RPTOR: variants seen among roughly 807,000 people sequenced by gnomAD.
RPTOR encodes the protein regulatory associated protein of MTOR complex 1.
RPTOR carries 21 observed loss-of-function variants against 169.9 expected under a neutral mutation model. The ratio of observed to expected loss-of-function variants is 0.12; its 90% CI spans 0.09 to 0.18. The LOEUF (loss-of-function observed/expected upper bound fraction) is 0.18. Among genes scored for constraint, RPTOR ranks in the 10% least tolerant of loss-of-function variants. The pLI, the probability that RPTOR is intolerant of heterozygous loss-of-function variation, is 1.00. For missense variants in RPTOR, 1,133 were observed against 1,855.9 expected (o/e 0.61, Z 7.16); for synonymous variants, 732 against 753.2 (o/e 0.97, Z 0.46).
chr17:80,902,067 C>T (rs1051974373), intron 20 of RPTOR, among the ~76,000 whole-genome samples: 11 of 152,136 alleles, frequency 7.2e-5, no homozygotes, highest in African/African-American at 2.7e-4. Flanking sequence ...CTCCATCCTG[C>T]TTGTTTCTCA....
At chr17:80,717,170 C>T (rs1342462638) in intron 4 of RPTOR, among the ~76,000 whole-genome samples, 3 of 152,104 alleles carry the variant, frequency 2.0e-5, no homozygotes, top group Non-Finnish European at 4.4e-5. Flanking sequence ...GAAATGTCAT[C>T]TGATCACCAG....
chr17:80,552,127 C>G (rs1055009584), intron 1 of RPTOR, among the ~76,000 whole-genome samples: 1 of 152,200 alleles, frequency 6.6e-6, no homozygotes, highest in African/African-American at 2.4e-5. Flanking sequence ...ATGTCTACTT[C>G]TTTCTATACA....
intron 13 of RPTOR, 140 bp from the exon 14 acceptor site, chr17:80,880,275 C>A: frequency 1.4e-6 from 1 of 731,362 alleles, no homozygotes; most frequent in Non-Finnish European, 2.4e-6. Context: ...AGCTGTTTTT[C>A]AAATGAAAAC....
In RPTOR at chr17:80,845,139, C is replaced by T. The variant is rs943084638; in HGVS notation, c.1213-1334C>T. Among the ~76,000 whole-genome samples the T allele has an allele frequency of 1.4e-4, 22 of 152,270 alleles. No homozygotes were observed. In the East Asian group the frequency reaches 2.9e-3, roughly 20 times the overall value. Reference sequence around the variant, plus strand: ...GGCAGCCTCCCCTGCAGCCTTCACGCTCTCCAGCCGCAGGCCCAGCAGCCC... The same window carrying T: ...GGCAGCCTCCCCTGCAGCCTTCACGTTCTCCAGCCGCAGGCCCAGCAGCCC... On this transcript the variant is annotated intron_variant, in intron 10 of 33. Transcript: ENST00000306801. This position sits in a 1 kb window ranked among gnomAD's most constrained non-coding sequence, Gnocchi z 5.4.
chr17:80,788,363 A>T (rs370310361), intron 6 of RPTOR, among the ~76,000 whole-genome samples: 1 of 152,186 alleles, frequency 6.6e-6, no homozygotes, highest in East Asian at 1.9e-4. Context: ...CAGGAGAATC[A>T]CTTGAACCCA....
chr17:80,840,190 C>T (rs1229779608), intron 10 of RPTOR, among the ~76,000 whole-genome samples: 1 of 152,194 alleles, frequency 6.6e-6, no homozygotes, highest in Non-Finnish European at 1.5e-5. Flanking sequence ...GGCCGCTTTC[C>T]TGCCCAGTTT....
chr17:80,914,332 C>A (rs542709952), intron 21 of RPTOR, among the ~76,000 whole-genome samples: 1 of 152,334 alleles, frequency 6.6e-6, no homozygotes, highest in African/African-American at 2.4e-5. Flanking sequence ...CATCTCTGTG[C>A]TCTTGGGGGC....
intron 1 of RPTOR, among the ~76,000 whole-genome samples, chr17:80,592,070 C>T (rs2065111853): frequency 6.6e-6 from 1 of 152,226 alleles, no homozygotes; most frequent in Non-Finnish European, 1.5e-5. Flanking sequence ...AATGGCTATA[C>T]TTTTCCCTCC....
At chr17:80,924,870 G>C (rs1356183289) in intron 23 of RPTOR, among the ~76,000 whole-genome samples, 1 of 152,210 alleles carries the variant, frequency 6.6e-6, no homozygotes, top group Non-Finnish European at 1.5e-5. Flanking sequence ...CCAAAGCTCA[G>C]TCCTCCTCAG....
At chr17:80,933,068 G>A (rs550308477) in intron 24 of RPTOR, among the ~76,000 whole-genome samples, 241 of 152,334 alleles carry the variant, frequency 1.6e-3, no homozygotes, top group African/African-American at 5.6e-3. Context: ...CCAAAAGAAG[G>A]TAACAAGACA....
chr17:80,709,754 A>G (rs1252696136), intron 4 of RPTOR, among the ~76,000 whole-genome samples: 2 of 151,968 alleles, frequency 1.3e-5, no homozygotes, highest in African/African-American at 4.8e-5. Flanking sequence ...ATTTTCTCTG[A>G]TAACCATTAA....
At chr17:80,653,064 A>AT (rs1049434008) in intron 3 of RPTOR, among the ~76,000 whole-genome samples, 8 of 152,140 alleles carry the variant, frequency 5.3e-5, no homozygotes, top group Middle Eastern at 3.4e-3. Flanking sequence ...TCCTTTGTCC[A>AT]TTTTTTAGTT....
Position 80,905,545 on chromosome 17 carries a change from G to A in RPTOR, c.2402-3266G>A, listed in dbSNP as rs546480063. ...CAGGAGGCAGAGCTTGCAGTGAGCC[G>A]GGATCGCGCTGCTGCACTCCAGCCT... is the stretch of plus-strand genomic sequence containing the variant. On this transcript the variant is annotated intron_variant, in intron 20 of 33. Transcript: ENST00000306801. 5.3e-3 allele frequency among the ~76,000 whole-genome samples: 798 copies of A among 151,912 alleles called. 10 individuals carry two copies. The highest frequency in any genetic ancestry group is 0.018 in the African/African-American group (766 of 41,438).
chr17:80,893,848 C>G lies in RPTOR; in HGVS notation c.2384C>G (p.Ser795Cys). The G allele has an allele frequency of 1.3e-6, 2 of 1,521,338 alleles. No individual in the cohort carries two copies. The highest frequency in any genetic ancestry group is 1.3e-5 in the South Asian group (1 of 77,288). The allele number at this position is 1,521,338 out of a possible 1,614,324, so 94.2% of individuals were successfully genotyped here. Residue 795 changes from serine to cysteine, a missense_variant, in exon 20 of 34, where the codon TCC (serine) becomes TGC (cysteine). This residue lies in a region of RPTOR where 150 missense variants were observed against 206.4 expected (regional missense o/e 0.73). Coordinates refer to ENST00000306801, the MANE Select transcript of RPTOR (RefSeq NM_020761.3). ...ATGCGCCGCGCCAGCTCCTACTCCT[C>G]CCTCAACTCCCTCATCGGTGAGTCC... ...DKMRRASSYS[S>C]LNSLIGVSFN...
chr17:80,693,461 A>G (rs1382326812), intron 3 of RPTOR, among the ~76,000 whole-genome samples: 1 of 152,256 alleles, frequency 6.6e-6, no homozygotes, highest in African/African-American at 2.4e-5. Context: ...TAAACCAGCT[A>G]TTCTAGTTCT....
intron 3 of RPTOR, among the ~76,000 whole-genome samples, chr17:80,696,028 A>G (rs1176482139): frequency 1.3e-5 from 2 of 152,214 alleles, no homozygotes; most frequent in Admixed American, 1.3e-4. Flanking sequence ...CTCAGAGCCA[A>G]GGTGGCATCT....
At chr17:80,606,012 CT>C (rs574035469) in intron 1 of RPTOR, among the ~76,000 whole-genome samples, 1 of 151,970 alleles carries the variant, frequency 6.6e-6, no homozygotes, top group East Asian at 1.9e-4. Context: ...TACCAATAGA[CT>C]TTTGTTTTTG....
chr17:80,883,589 G>A (rs1487841840), intron 15 of RPTOR, 105 bp downstream of exon 15: 1 of 1,277,830 alleles, frequency 7.8e-7, no homozygotes, highest in African/African-American at 1.5e-5. Flanking sequence ...GGGGTGTCCA[G>A]CAGAGGCTCT....
chr17:80,742,277 C>A (rs1421452214), intron 5 of RPTOR, among the ~76,000 whole-genome samples: 2 of 152,010 alleles, frequency 1.3e-5, no homozygotes, highest in Non-Finnish European at 2.9e-5. Context: ...CTGAGGGCGG[C>A]CCTTAAGTAG....
Sources: allele counts gnomAD v4.1 joint callset (sites outside exome capture counted in the v4.1 genomes callset), GRCh38; gene constraint gnomAD v4.1.1; regional missense constraint gnomAD v4.1.1; non-coding constraint Gnocchi (gnomAD v3.1); transcripts MANE v1.5; gene names NCBI Gene and HGNC (gene_info 2026-07-23, HGNC 2026-07-21).